The following CHD7 variants were observed in gnomAD, a reference collection of about 807,000 sequenced individuals.
The protein encoded by CHD7 is ATP-dependent chromatin remodeler CHD7.
A neutral mutation model predicts 307.3 loss-of-function variants in CHD7; 24 were observed. The observed-to-expected ratio is 0.08, with a 90% CI of 0.06 to 0.11. The LOEUF is 0.11. CHD7 is among the 10% of genes least tolerant of loss of function. The pLI, the probability that CHD7 is intolerant of heterozygous loss-of-function variation, is 1.00. For synonymous variants in CHD7, 1,363 were observed against 1,349.9 expected (o/e 1.01, Z -0.21); for missense variants, 3,106 against 3,727.1 (o/e 0.83, Z 4.34).
intron 2 of CHD7, among the ~76,000 whole-genome samples, chr8:60,780,180 T>C (rs781394803): frequency 9.9e-5 from 15 of 152,200 alleles, no homozygotes; most frequent in Non-Finnish European, 1.5e-4. Context: ...CAGGAGTCAC[T>C]TCCTCTGATC....
chr8:60,843,677 C>T (rs1805070835), intron 21 of CHD7, among the ~76,000 whole-genome samples: 1 of 152,202 alleles, frequency 6.6e-6, no homozygotes, highest in African/African-American at 2.4e-5. Context: ...TGTTAAGACA[C>T]AGCTCCAGTG....
chr8:60,800,565 A>AGTTG lies in CHD7; in HGVS notation c.2376+41_2376+42insTTGG, dbSNP rs1163654085. 3 of 1,481,982 alleles carry AGTTG rather than the reference A, an allele frequency of 2.0e-6. No individual in the cohort carries two copies. In the Admixed American group the frequency reaches 6.7e-5, roughly 33 times the overall value. The allele number at this position is 1,481,982 out of a possible 1,614,324, so 91.8% of individuals were successfully genotyped here. A position where few individuals can be genotyped will look rare whatever the true frequency, so the allele number is the denominator to read the frequency against. ...TGTGGGATTTATGGATGCATTTTAA[A>AGTTG]GATGGACTAGAAATTTCATTGCTGC... On this transcript the variant is annotated intron_variant, in intron 5 of 37. Coordinates refer to ENST00000423902, the MANE Select transcript of CHD7 (RefSeq NM_017780.4).
chr8:60,859,134 A>T (rs1430988171), intron 34 of CHD7, among the ~76,000 whole-genome samples: 1 of 147,224 alleles, frequency 6.8e-6, no homozygotes, highest in Non-Finnish European at 1.5e-5. Flanking sequence ...TGTATTTTTA[A>T]AACTTTTTTT....
intron 2 of CHD7, among the ~76,000 whole-genome samples, chr8:60,747,171 G>T (rs1257906052): frequency 6.6e-6 from 1 of 152,182 alleles, no homozygotes; most frequent in Non-Finnish European, 1.5e-5. Context: ...CCTTCTCCCA[G>T]GTTCAAGCAA....
At chr8:60,733,831 T>C (rs527395178) in intron 1 of CHD7, among the ~76,000 whole-genome samples, 1 of 152,320 alleles carries the variant, frequency 6.6e-6, no homozygotes, top group South Asian at 2.1e-4. Flanking sequence ...TTCAAAGTTA[T>C]GTAGAAATAA....
intron 2 of CHD7, among the ~76,000 whole-genome samples, chr8:60,769,615 G>A (rs1056753206): frequency 6.6e-6 from 1 of 152,100 alleles, no homozygotes; most frequent in African/African-American, 2.4e-5. Context: ...TAGTAGTAAG[G>A]GCAATATCTA....
chr8:60,822,412 T>TTG (rs1228880825), intron 11 of CHD7, 91 bp from the exon 12 acceptor site: 8 of 1,249,050 alleles, frequency 6.4e-6, no homozygotes, highest in Non-Finnish European at 8.9e-6. Context: ...GGGTATGCAT[T>TTG]TGTGGGTACA....
At position 60,821,826 on chromosome 8, in the gene CHD7, C is replaced by G; in HGVS notation, c.2734C>G (p.Pro912Ala). The G allele has an allele frequency of 6.4e-7, 1 of 1,573,422 alleles. No individual in the cohort carries two copies. The highest frequency in any genetic ancestry group is 1.9e-5 in the Admixed American group (1 of 52,936). Residue 912 changes from proline to alanine, a missense_variant, in exon 10 of 38, where the codon CCT becomes GCT. Physicochemically the swap from Pro to Ala is conservative, Grantham distance 27. Around this residue, in one of 10 missense-constraint regions of CHD7, gnomAD observed 188 missense variants for 261.7 expected, o/e 0.72. Transcript: ENST00000423902. Reference protein sequence around the residue: ...THYLVKWCSLPYEDSTWERRQ... With the variant: ...THYLVKWCSLAYEDSTWERRQ... Reference sequence around the variant, plus strand: ...CTATCTGGTGAAGTGGTGTTCACTTCCTTATGAAGACAGCACGTGGGAGCG... The same window carrying G: ...CTATCTGGTGAAGTGGTGTTCACTTGCTTATGAAGACAGCACGTGGGAGCG...
In CHD7 at chr8:60,817,900, A is replaced by T. The variant is rs143951249; in HGVS notation, c.2613+1399A>T. On this transcript the variant is annotated intron_variant, in intron 8 of 37. Coordinates refer to ENST00000423902, the MANE Select transcript of CHD7 (RefSeq NM_017780.4). The stretch of plus-strand genomic sequence containing the variant: ...GGGAGACAGGCAAAAGCGCAATGGT[A>T]GCTTTCCCCCCATCCCTAAATCCTG... Among the ~76,000 whole-genome samples the T allele has an allele frequency of 2.6e-5, 4 of 152,280 alleles. No homozygotes were observed. The East Asian group carries it at 7.7e-4, about 29-fold the overall frequency.
chr8:60,823,843 C>G lies in CHD7; in HGVS notation c.3205C>G (p.Arg1069Gly). The change falls in exon 13 of 38, where the codon CGA (arginine) becomes GGA (glycine). Residue 1069 changes from arginine to glycine, a missense_variant. By Grantham distance (125) the Arg-to-Gly change is moderately radical. This residue lies in a region of CHD7 where 232 missense variants were observed against 422.5 expected (regional missense o/e 0.55). Coordinates refer to ENST00000423902, the MANE Select transcript of CHD7 (RefSeq NM_017780.4). ...TAATTCAGAGTTGTTCTTATAGGGT[C>G]GAGTGATAAAGGGGTCCTATAAGTT... ...YEMYFKDPQG[R>G]VIKGSYKFHA... The G allele has an allele frequency of 6.2e-7, 1 of 1,612,784 alleles. No individual in the cohort carries two copies. Among genetic ancestry groups the G allele is most frequent in the Non-Finnish European group, 8.5e-7 (1 of 1,178,924 alleles).
At position 60,781,326 on chromosome 8, in the gene CHD7, G is replaced by T; in HGVS notation, c.1992G>T (p.Glu664Asp). ...KEPKEPKEKK[E>D]PKEPKTPKAP... The stretch of plus-strand genomic sequence containing the variant: ...CGAAAGAACCCAAGGAGAAAAAAGA[G>T]CCCAAGGAACCCAAGACCCCGAAAG... Residue 664 changes from glutamate to aspartate, a missense_variant, in exon 3 of 38, where the codon GAG becomes GAT. Around this residue, in one of 10 missense-constraint regions of CHD7, gnomAD observed 998 missense variants for 1,004.5 expected, o/e 0.99. Coordinates refer to ENST00000423902, the MANE Select transcript of CHD7 (RefSeq NM_017780.4). The T allele has an allele frequency of 6.4e-7, 1 of 1,572,526 alleles. No individual in the cohort carries two copies. Among genetic ancestry groups the T allele is most frequent in the African/African-American group, 1.4e-5 (1 of 73,320 alleles).
rs191527057 is a variant in CHD7 at position 60,845,538 on chromosome 8, G to C, written c.5210+129G>C. ...TTGGAGGGTCAACTGAGGGACCTGA[G>C]CATCTGCGGATCTTGGTGTCTGAGG... On this transcript the variant is annotated intron_variant, in intron 23 of 37. Transcript: ENST00000423902. 883 of 986,862 alleles carry C rather than the reference G, an allele frequency of 8.9e-4. 6 individuals carry two copies. In the African/African-American group the frequency reaches 0.013, roughly 14 times the overall value. The allele number at this position is 986,862 out of a possible 1,614,324, so 61.1% of individuals were successfully genotyped here. A position where few individuals can be genotyped will look rare whatever the true frequency, so the allele number is the denominator to read the frequency against.
chr8:60,828,905 GT>G, intron 14 of CHD7, 99 bp downstream of exon 14: 1 of 1,122,098 alleles, frequency 8.9e-7, no homozygotes, highest in Middle Eastern at 2.2e-4. Context: ...TTATATTACA[GT>G]TTTTCCCACC....
At chr8:60,850,976 T>G in intron 26 of CHD7, 56 bp from the exon 27 acceptor site, 1 of 1,211,124 alleles carries the variant, frequency 8.3e-7, no homozygotes, top group South Asian at 1.4e-5. Context: ...CCCACCCCCC[T>G]TCCTTCTTTT....
At chr8:60,864,246 A>G (rs1020265498) in intron 37 of CHD7, 2 of 152,122 alleles carry the variant, frequency 1.3e-5, no homozygotes, top group African/African-American at 4.8e-5. Context: ...TGATTAGCCA[A>G]GTAGCTGGGA....
intron 26 of CHD7, 187 bp downstream of exon 26, chr8:60,850,809 G>A: frequency 1.3e-6 from 1 of 747,982 alleles, no homozygotes; most frequent in South Asian, 1.9e-5. Context: ...TTGATAATCT[G>A]AAACTTGTTT....
At chr8:60,791,497 G>A (rs1811769749) in intron 3 of CHD7, among the ~76,000 whole-genome samples, 1 of 152,180 alleles carries the variant, frequency 6.6e-6, no homozygotes, top group African/African-American at 2.4e-5. Context: ...TCATCCCCCC[G>A]ACCTAGAACA....
At chr8:60,848,090 C>T (rs1805292798) in intron 23 of CHD7, among the ~76,000 whole-genome samples, 1 of 152,088 alleles carries the variant, frequency 6.6e-6, no homozygotes, top group African/African-American at 2.4e-5. Context: ...TGATGTGCTT[C>T]CAAAAATGGT....
intron 3 of CHD7, among the ~76,000 whole-genome samples, chr8:60,783,066 A>G (rs771552294): frequency 9.9e-5 from 15 of 152,212 alleles, no homozygotes; most frequent in Admixed American, 2.0e-4. Context: ...GCATCAAGAT[A>G]TATATCTGAT....
Sources: gnomAD v4.1 joint callset for allele counts (sites outside exome capture counted in the v4.1 genomes callset) on GRCh38, gnomAD v4.1.1 for gene constraint, gnomAD v4.1.1 regional missense constraint, MANE v1.5 for transcripts, NCBI Gene and HGNC (gene_info 2026-07-23, HGNC 2026-07-21) for gene names.